GRHPR: variants seen among roughly 807,000 people sequenced by gnomAD.
GRHPR encodes glyoxylate reductase/hydroxypyruvate reductase.
GRHPR carries 35 observed loss-of-function variants against 36.8 expected under a neutral mutation model. The ratio of observed to expected loss-of-function variants is 0.95; its 90% CI spans 0.73 to 1.26. GRHPR has a LOEUF of 1.26. Ranked by LOEUF, GRHPR falls within the 50% of genes most tolerant of loss-of-function variation. The pLI, the probability that GRHPR is intolerant of heterozygous loss-of-function variation, is 0.00. For synonymous variants in GRHPR, 179 were observed against 181.0 expected, an observed-to-expected ratio of 0.99 and a Z score of 0.09; for missense variants, 380 against 435.0, an observed-to-expected ratio of 0.87 and a Z score of 1.12.
At position 37,428,586 on chromosome 9, in the gene GRHPR, C is replaced by A; in HGVS notation, c.493+14C>A. 1.9e-6 allele frequency: 3 copies of A among 1,565,600 alleles called. No individual in the cohort carries two copies. Among genetic ancestry groups the A allele is most frequent in the Non-Finnish European group, 2.6e-6 (3 of 1,142,028 alleles). Reference sequence around the variant, plus strand: ...TGGGGCGCATAGGTGAGGCTCCCACCGGCCCGCTTGCCCGCCCCGGCTCTC... The same window carrying A: ...TGGGGCGCATAGGTGAGGCTCCCACAGGCCCGCTTGCCCGCCCCGGCTCTC... On this transcript the variant is annotated intron_variant, in intron 5 of 8. Coordinates refer to ENST00000318158, the MANE Select transcript of GRHPR (RefSeq NM_012203.2).
downstream of GRHPR, chr9:37,438,891 C>T (rs1457517689): frequency 6.6e-6 from 1 of 152,178 alleles, no homozygotes; most frequent in Non-Finnish European, 1.5e-5. Flanking sequence ...GGAATCAGTC[C>T]ATGGGAGATG....
At chr9:37,424,786 G>A (rs1822995795) in intron 1 of GRHPR, 59 bp from the exon 2 acceptor site, 16 of 1,577,618 alleles carry the variant, frequency 1.0e-5, no homozygotes, top group Non-Finnish European at 1.4e-5. Context: ...TCCCAGCTGG[G>A]AGGGGCGGGG....
intron 8 of GRHPR, among the ~76,000 whole-genome samples, chr9:37,433,228 ATTTTTTTTTTTTT>A (rs11345501): frequency 3.1e-5 from 3 of 97,202 alleles, no homozygotes; most frequent in African/African-American, 1.0e-4. Context: ...TGGTTCTCAC[ATTTTTTTTTTTTT>A]TTTTTTTTTT....
rs201661750 is a variant in GRHPR, at chr9:37,428,519, G to A, written c.440G>A (p.Cys147Tyr). Residue 147 changes from cysteine to tyrosine, a missense_variant, in exon 5 of 9, where the codon TGT (cysteine) becomes TAT (tyrosine). Physicochemically the swap from Cys to Tyr is radical, Grantham distance 194 (BLOSUM62 -2). Transcript: ENST00000318158. ...ACCTCGTGGAAGCCCCTCTGGCTGT[G>A]TGGCTATGGACTCACGCAGAGCACT... is the stretch of plus-strand genomic sequence containing the variant. ...GWTSWKPLWL[C>Y]GYGLTQSTVG... The A allele has an allele frequency of 1.4e-5, 23 of 1,612,650 alleles. No homozygotes were observed. Among genetic ancestry groups the A allele is most frequent in the Non-Finnish European group, 1.8e-5 (21 of 1,179,636 alleles).
intron 5 of GRHPR, chr9:37,429,350 C>T (rs1342083141): frequency 9.2e-6 from 3 of 326,718 alleles, no homozygotes; most frequent in Non-Finnish European, 1.8e-5. Context: ...AGACTGCATT[C>T]ACAGAAGCAG....
chr9:37,423,706 C>T (rs1357345434), intron 1 of GRHPR, among the ~76,000 whole-genome samples: 1 of 151,734 alleles, frequency 6.6e-6, no homozygotes, highest in African/African-American at 2.4e-5. Flanking sequence ...AACTCCTGTA[C>T]GAAGGGATCC....
intron 8 of GRHPR, 25 bp from the exon 9 acceptor site, chr9:37,436,636 C>T: frequency 2.4e-6 from 2 of 850,850 alleles, no homozygotes; most frequent in Non-Finnish European, 1.6e-6. Flanking sequence ...TCTTATCTCC[C>T]TCTCTCTCTC....
At chr9:37,436,203 G>A (rs1055006164) in intron 8 of GRHPR, among the ~76,000 whole-genome samples, 9 of 152,192 alleles carry the variant, frequency 5.9e-5, no homozygotes, top group African/African-American at 1.7e-4. Context: ...CTGCCTCCCA[G>A]GCCCAAACAA....
chr9:37,425,532 G>A (rs1234104393), intron 2 of GRHPR, among the ~76,000 whole-genome samples: 1 of 152,268 alleles, frequency 6.6e-6, no homozygotes, highest in Non-Finnish European at 1.5e-5. Flanking sequence ...GCTTTGTGGT[G>A]TCCTGCTTGC....
In GRHPR at chr9:37,422,738, G is replaced by T. The variant is rs777207347; in HGVS notation, c.-13G>T. The T allele has an allele frequency of 1.3e-6, 2 of 1,567,482 alleles. No homozygotes were observed. Among genetic ancestry groups the T allele is most frequent in the Non-Finnish European group, 1.7e-6 (2 of 1,156,598 alleles). On this transcript the variant is annotated 5_prime_UTR_variant, in exon 1 of 9. Transcript: ENST00000318158. ...TCTGTACTGCCAGGTCCGGGTCGGC[G>T]GCTGCACTGCGGATGAGACCGGTGC...
Position 37,432,169 on chromosome 9 carries a change from C to T in GRHPR, c.865+31C>T, listed in dbSNP as rs761873122. On this transcript the variant is annotated intron_variant, in intron 8 of 8. Coordinates refer to ENST00000318158, the MANE Select transcript of GRHPR (RefSeq NM_012203.2). ...AACTGCACTTTCTGATGCAAACTCC[C>T]TGCTGCCCTGCAGGACCAGTGTTTT... 40 of 1,611,304 alleles carry T rather than the reference C, an allele frequency of 2.5e-5. No individual in the cohort carries two copies. The Admixed American group carries it at 5.3e-4, about 22-fold the overall frequency.
chr9:37,429,595 T>A, intron 5 of GRHPR, 137 bp from the exon 6 acceptor site: 1 of 755,780 alleles, frequency 1.3e-6, no homozygotes, highest in South Asian at 1.4e-5. Context: ...CCACCCGCTT[T>A]GGAGGAGACA....
chr9:37,430,822 G>C, intron 7 of GRHPR, 176 bp downstream of exon 7: 1 of 710,798 alleles, frequency 1.4e-6, no homozygotes, highest in Non-Finnish European at 2.6e-6. Context: ...TCCGTACAGG[G>C]AAGAAGAGCC....
At chr9:37,430,365 A>G (rs1823300567) in intron 6 of GRHPR, 146 bp from the exon 7 acceptor site, 3 of 751,678 alleles carry the variant, frequency 4.0e-6, no homozygotes, top group Middle Eastern at 3.6e-4. Flanking sequence ...TTGTGCACTC[A>G]TGAGAGTTGT....
At position 37,426,637 on chromosome 9, in the gene GRHPR, C is replaced by A. The variant is rs529454212; in HGVS notation, c.387C>A (p.Ala129=). ...LLTTCRRLPE[A]IEEVKNGGWT... is the part of the protein sequence containing the mutation. ...CCACCTGCCGCCGGTTGCCGGAGGCCATCGAGGAAGTGAAGAAGTAAGTGA... is the reference window on the plus strand; with the variant it reads ...CCACCTGCCGCCGGTTGCCGGAGGCAATCGAGGAAGTGAAGAAGTAAGTGA... The change falls in exon 4 of 9, where the codon GCC becomes GCA. Residue 129 remains alanine, a synonymous_variant. Transcript: ENST00000318158. The A allele has an allele frequency of 9.8e-5, 157 of 1,606,174 alleles. 8 individuals carry two copies. The South Asian group carries it at 1.7e-3, about 18-fold the overall frequency.
chr9:37,432,461 C>CCT, intron 8 of GRHPR: 1 of 343,574 alleles, frequency 2.9e-6, no homozygotes, highest in Non-Finnish European at 5.7e-6. Context: ...GGGTGGATCA[C>CCT]GAGGTCAGGG....
chr9:37,431,870 G>A, intron 7 of GRHPR, 138 bp from the exon 8 acceptor site: 3 of 857,170 alleles, frequency 3.5e-6, no homozygotes, highest in Non-Finnish European at 5.8e-6. Flanking sequence ...CAGACATACT[G>A]TAAGTATACC....
chr9:37,424,820 C>T (rs1822998559), intron 1 of GRHPR, 25 bp from the exon 2 acceptor site: 6 of 1,610,860 alleles, frequency 3.7e-6, no homozygotes, highest in South Asian at 1.1e-5. Flanking sequence ...TCCTGCTTCT[C>T]CTGAGGGCCT....
chr9:37,428,008 G>A (rs538229553), intron 4 of GRHPR: 2 of 270,680 alleles, frequency 7.4e-6, no homozygotes, highest in Admixed American at 4.9e-5. Context: ...CCTGCTCACT[G>A]TCCTGTCTGG....
Sources: allele counts gnomAD v4.1 joint callset (sites outside exome capture counted in the v4.1 genomes callset), GRCh38; gene constraint gnomAD v4.1.1; transcripts MANE v1.5; gene names NCBI Gene and HGNC (gene_info 2026-07-23, HGNC 2026-07-21).